The following SYT1 variants were observed in gnomAD, a reference collection of about 807,000 sequenced individuals.
SYT1 encodes the protein synaptotagmin-1.
A neutral mutation model predicts 44.8 loss-of-function variants in SYT1; 8 were observed. The ratio of observed to expected loss-of-function variants is 0.18; its 90% confidence interval spans 0.10 to 0.32. The LOEUF (loss-of-function observed/expected upper bound fraction) is 0.32, where lower values mean the gene tolerates loss of function less well. SYT1 is among the 10% of genes least tolerant of loss of function. The probability of loss-of-function intolerance (pLI) is 1.00; values close to 1 mark genes in which losing one functional copy is unlikely to be tolerated. For missense variants in SYT1, 286 were observed against 509.3 expected (o/e 0.56, Z 4.22); for synonymous variants, 154 against 188.8 (o/e 0.82, Z 1.51).
intron 1 of SYT1, among the ~76,000 whole-genome samples, chr12:78,939,240 GT>G (rs1288011038): frequency 1.3e-5 from 2 of 152,196 alleles, no homozygotes; most frequent in African/African-American, 4.8e-5. Flanking sequence ...TGGACTATGA[GT>G]TATTAAAGAG....
intron 3 of SYT1, among the ~76,000 whole-genome samples, chr12:79,083,708 A>T (rs143779050): frequency 2.0e-5 from 3 of 152,276 alleles, no homozygotes; most frequent in African/African-American, 7.2e-5. Context: ...ATTTTATGAA[A>T]TATAAAATTA....
chr12:79,037,283 CT>C (rs1013143620), intron 2 of SYT1, among the ~76,000 whole-genome samples: 1 of 150,504 alleles, frequency 6.6e-6, no homozygotes, highest in East Asian at 2.0e-4. Flanking sequence ...AATTCCCATC[CT>C]TTTTTTTTCA....
chr12:79,096,376 A>G (rs939368489), intron 3 of SYT1, among the ~76,000 whole-genome samples: 1 of 151,862 alleles, frequency 6.6e-6, no homozygotes, highest in African/African-American at 2.4e-5. Flanking sequence ...AAAGAGGTAC[A>G]CTCTGAGGTG....
At chr12:78,888,453 T>A (rs909804595) in intron 1 of SYT1, among the ~76,000 whole-genome samples, 1 of 151,962 alleles carries the variant, frequency 6.6e-6, no homozygotes, top group South Asian at 2.1e-4. Flanking sequence ...TAAGACATTT[T>A]ATGCAATCAT....
At chr12:78,926,869 A>G (rs561864446) in intron 1 of SYT1, 1 of 152,230 alleles carries the variant, frequency 6.6e-6, no homozygotes, top group African/African-American at 2.4e-5. Context: ...ATACATTTAA[A>G]TGTTAATTTT....
chr12:79,197,726 T>C (rs1873547121), intron 3 of SYT1, among the ~76,000 whole-genome samples: 1 of 152,172 alleles, frequency 6.6e-6, no homozygotes, highest in Admixed American at 6.5e-5. Context: ...TTTTAGTTTG[T>C]TCAGCAAAAG....
Position 79,040,945 on chromosome 12 carries a change from G to A in SYT1, c.-83-6352G>A, listed in dbSNP as rs1173824419. 3.0e-3 allele frequency among the ~76,000 whole-genome samples: 448 copies of A among 151,134 alleles called. 2 individuals are homozygous for A. Among genetic ancestry groups the A allele is most frequent in the African/African-American group, 0.01 (415 of 41,144 alleles). On this transcript the variant is annotated intron_variant, in intron 2 of 10. Coordinates refer to ENST00000261205, the MANE Select transcript of SYT1 (RefSeq NM_005639.3). ...GATCAGATAGTTGTAGATATGCGGC[G>A]TTATTTCTGAGGGCTCTGTTCTGTT...
chr12:79,353,507 G>A lies in SYT1; in HGVS notation c.816G>A (p.Glu272=). ...TTTCTTATTGGTTTTCTTAGCAAGA[G>A]AAATTGGGTGATATCTGCTTCTCCC... The part of the protein sequence containing the change: ...DLQSAEKEEQ[E]KLGDICFSLR... The change falls in exon 9 of 11, where the codon GAG becomes GAA. Residue 272 remains glutamate, a synonymous_variant. Transcript: ENST00000261205. The A allele has an allele frequency of 6.2e-7, 1 of 1,612,670 alleles. No homozygotes were observed. The highest frequency in any genetic ancestry group is 8.5e-7 in the Non-Finnish European group (1 of 1,178,750).
At chr12:79,302,512 G>C (rs1880197472) in intron 8 of SYT1, among the ~76,000 whole-genome samples, 1 of 152,156 alleles carries the variant, frequency 6.6e-6, no homozygotes, top group Non-Finnish European at 1.5e-5. Flanking sequence ...GAAAGAAATG[G>C]GAAGGAACAT....
At chr12:78,945,734 G>A (rs1878621289) in intron 1 of SYT1, among the ~76,000 whole-genome samples, 1 of 152,048 alleles carries the variant, frequency 6.6e-6, no homozygotes, top group Admixed American at 6.6e-5. Flanking sequence ...AATATTAATG[G>A]GAAGTCACTT....
chr12:78,886,417 A>G (rs148176722), intron 1 of SYT1, among the ~76,000 whole-genome samples: 135 of 152,106 alleles, frequency 8.9e-4, no homozygotes, highest in African/African-American at 3.0e-3. Flanking sequence ...ATTGATACCA[A>G]CATTCACAGG....
intron 2 of SYT1, among the ~76,000 whole-genome samples, chr12:79,008,978 C>G (rs549983016): frequency 2.0e-5 from 3 of 152,218 alleles, no homozygotes; most frequent in African/African-American, 7.2e-5. Context: ...TTTATAGAAA[C>G]TTTAGCTTTG....
chr12:79,275,194 C>G (rs1163976817), intron 4 of SYT1, among the ~76,000 whole-genome samples: 1 of 152,104 alleles, frequency 6.6e-6, no homozygotes, highest in Non-Finnish European at 1.5e-5. Flanking sequence ...AGAACAGCTG[C>G]ATCTCTTTAA....
intron 2 of SYT1, among the ~76,000 whole-genome samples, chr12:78,978,627 G>A (rs974819976): frequency 5.3e-5 from 8 of 152,082 alleles, no homozygotes; most frequent in African/African-American, 1.7e-4. Context: ...CTTTTATTAG[G>A]CATACACACA....
chr12:79,422,701 T>G (rs1485082051), intron 9 of SYT1, among the ~76,000 whole-genome samples: 1 of 151,922 alleles, frequency 6.6e-6, no homozygotes, highest in East Asian at 1.9e-4. Context: ...TCTCTGGGAT[T>G]TGTTAGATAC....
chr12:79,013,875 C>T (rs1158692133), intron 2 of SYT1, among the ~76,000 whole-genome samples: 2 of 151,882 alleles, frequency 1.3e-5, no homozygotes, highest in African/African-American at 2.4e-5. Flanking sequence ...CGCCTGTAAT[C>T]CCAGCACTTT....
intron 3 of SYT1, among the ~76,000 whole-genome samples, chr12:79,154,406 C>CT (rs570100866): frequency 0.03 from 4,284 of 141,830 alleles, 77 homozygotes; most frequent in Middle Eastern, 0.047. Context: ...TTTTTTTCTC[C>CT]TTTTTTTTTT....
chr12:79,418,578 C>G (rs1220538543), intron 9 of SYT1, among the ~76,000 whole-genome samples: 2 of 152,208 alleles, frequency 1.3e-5, no homozygotes, highest in East Asian at 3.9e-4. Flanking sequence ...CTGCCTGTTT[C>G]CAAAACACCT....
intron 4 of SYT1, among the ~76,000 whole-genome samples, chr12:79,218,596 T>G (rs1386294084): frequency 6.6e-6 from 1 of 152,222 alleles, no homozygotes; most frequent in Non-Finnish European, 1.5e-5. Context: ...TCAACTTTTT[T>G]AGATTTCACA....
Sources: allele counts gnomAD v4.1 joint callset (sites outside exome capture counted in the v4.1 genomes callset), GRCh38; gene constraint gnomAD v4.1.1; transcripts MANE v1.5; gene names NCBI Gene and HGNC (gene_info 2026-07-23, HGNC 2026-07-21).